IFIT2: variants seen among roughly 807,000 people sequenced by gnomAD.
The protein encoded by IFIT2 is interferon induced protein with tetratricopeptide repeats 2.
In IFIT2, 3 loss-of-function variants were observed where a neutral mutation model predicts 2.5. The observed-to-expected ratio is 1.21, with a 90% CI of 0.55 to 3.14. The LOEUF (loss-of-function observed/expected upper bound fraction) is 3.14. IFIT2 is among the 30% of genes most tolerant of loss of function. IFIT2 has a pLI of 0.03. For missense variants in IFIT2, 493 were observed against 558.9 expected (o/e 0.88, Z 1.19); for synonymous variants, 212 against 200.7 (o/e 1.06, Z -0.48).
In IFIT2 at chr10:89,306,526, A is replaced by G. The variant is rs746656345; in HGVS notation, c.570A>G (p.Pro190=). The change falls in exon 2 of 2, where the codon CCA becomes CCG. Residue 190 remains proline (P), a synonymous_variant. Coordinates refer to ENST00000371826, the MANE Select transcript of IFIT2 (RefSeq NM_001547.5). ...IASYRLDNWP[P]SQNAIDPLRQ... ...GCTACCGTCTGGACAACTGGCCACC[A>G]TCTCAGAACGCCATTGACCCTCTGA... 5 of 1,613,968 alleles carry G rather than the reference A, an allele frequency of 3.1e-6. No individual in the cohort carries two copies. Among genetic ancestry groups the G allele is most frequent in the African/African-American group, 1.3e-5 (1 of 74,918 alleles).
chr10:89,303,597 G>T (rs755203830), intron 1 of IFIT2, among the ~76,000 whole-genome samples: 5 of 152,182 alleles, frequency 3.3e-5, no homozygotes, highest in Non-Finnish European at 7.3e-5. Context: ...AGTGAAGTTG[G>T]ATGCCTTTTA....
chr10:89,305,440 C>T (rs1464854869), intron 1 of IFIT2, among the ~76,000 whole-genome samples: 4 of 152,032 alleles, frequency 2.6e-5, no homozygotes, highest in African/African-American at 9.6e-5. Flanking sequence ...TGAAGGAGAA[C>T]TAAGGAATTA....
chr10:89,307,696 T>C lies in IFIT2; in HGVS notation c.*321T>C. Reference sequence around the variant, plus strand: ...TGGAGTAATCTACTGGGCTTGTTTCTATATTTATATAAAGCAGCCAAATCC... The same window carrying C: ...TGGAGTAATCTACTGGGCTTGTTTCCATATTTATATAAAGCAGCCAAATCC... On this transcript the variant is annotated 3_prime_UTR_variant, in exon 2 of 2. Transcript: ENST00000371826. 4.5e-6 allele frequency: 1 copy of C among 223,220 alleles called. No individual in the cohort carries two copies. The highest frequency in any genetic ancestry group is 9.1e-6 in the Non-Finnish European group (1 of 110,274). 13.8% of individuals were successfully genotyped at this position (223,220 alleles called of 1,614,324 possible). A position where few individuals can be genotyped will look rare whatever the true frequency, so the allele number is the denominator to read the frequency against.
Position 89,306,781 on chromosome 10 carries a change from A to G in IFIT2, c.825A>G (p.Glu275=), listed in dbSNP as rs1227492110. ...KAIELLKKAL[E]YIPNNAYLHC... ...TTGAACTGCTTAAAAAGGCTTTAGA[A>G]TACATACCAAACAATGCCTACCTGC... The change falls in exon 2 of 2, where the codon GAA becomes GAG. Residue 275 remains glutamate, a synonymous_variant. Coordinates refer to ENST00000371826, the MANE Select transcript of IFIT2 (RefSeq NM_001547.5). The G allele has an allele frequency of 6.2e-7, 1 of 1,614,156 alleles. No individual in the cohort carries two copies. The highest frequency in any genetic ancestry group is 8.5e-7 in the Non-Finnish European group (1 of 1,179,982).
In IFIT2 at chr10:89,307,201, G is replaced by T; in HGVS notation, c.1245G>T (p.Leu415=). 6.2e-7 allele frequency: 1 copy of T among 1,613,948 alleles called. No individual in the cohort carries two copies. Among genetic ancestry groups the T allele is most frequent in the Non-Finnish European group, 8.5e-7 (1 of 1,179,912 alleles). The change falls in exon 2 of 2, where the codon CTG becomes CTT. Residue 415 remains leucine (L), a synonymous_variant. Coordinates refer to ENST00000371826, the MANE Select transcript of IFIT2 (RefSeq NM_001547.5). The part of the protein sequence containing the change: ...SREKEKMKDK[L]QKIAKMRLSK... ...AGAAAGAAAAGATGAAAGACAAACT[G>T]CAAAAAATTGCCAAAATGCGACTTT... is the stretch of plus-strand genomic sequence containing the variant.
In IFIT2 at chr10:89,306,495, T is replaced by C. The variant is rs539260313; in HGVS notation, c.539T>C (p.Ile180Thr). The change falls in exon 2 of 2, where the codon ATA (isoleucine) becomes ACA (threonine). Residue 180 changes from isoleucine to threonine, a missense_variant. Transcript: ENST00000371826. ...KNPEFTSGLA[I>T]ASYRLDNWPP... Reference sequence around the variant, plus strand: ...CCAGAATTCACCTCTGGACTGGCAATAGCAAGCTACCGTCTGGACAACTGG... The same window carrying C: ...CCAGAATTCACCTCTGGACTGGCAACAGCAAGCTACCGTCTGGACAACTGG... The C allele has an allele frequency of 9.3e-6, 15 of 1,614,056 alleles. No individual in the cohort carries two copies. The East Asian group carries it at 1.6e-4, about 17-fold the overall frequency.
rs748131169 is a variant in IFIT2, at chr10:89,306,181, T to C, written c.225T>C (p.Arg75=). 1.2e-6 allele frequency: 2 copies of C among 1,614,136 alleles called. No individual in the cohort carries two copies. The highest frequency in any genetic ancestry group is 1.7e-5 in the Admixed American group (1 of 60,012). Reference sequence around the variant, plus strand: ...ACGAGGCAGCCCTGGAATGCTTACGTAAAGCTGAAGAGTTAATCCAGCAAG... The same window carrying C: ...ACGAGGCAGCCCTGGAATGCTTACGCAAAGCTGAAGAGTTAATCCAGCAAG... ...GQNEAALECL[R]KAEELIQQEH... The change falls in exon 2 of 2, where the codon CGT becomes CGC. Residue 75 remains arginine, a synonymous_variant. Transcript: ENST00000371826.
At position 89,306,551 on chromosome 10, in the gene IFIT2, A is replaced by C; in HGVS notation, c.595A>C (p.Arg199=). The C allele has an allele frequency of 1.2e-6, 2 of 1,614,084 alleles. No individual in the cohort carries two copies. Among genetic ancestry groups the C allele is most frequent in the Non-Finnish European group, 1.7e-6 (2 of 1,179,974 alleles). The stretch of plus-strand genomic sequence containing the variant: ...ATCTCAGAACGCCATTGACCCTCTG[A>C]GGCAAGCCATTCGGCTGAATCCTGA... ...PPSQNAIDPL[R]QAIRLNPDNQ... Residue 199 remains arginine (R), a synonymous_variant, in exon 2 of 2, where the codon AGG becomes CGG. Transcript: ENST00000371826.
At chr10:89,302,212 G>A in intron 1 of IFIT2, 84 bp downstream of exon 1, 1 of 1,419,822 alleles carries the variant, frequency 7.0e-7, no homozygotes, top group Non-Finnish European at 1.0e-6. Flanking sequence ...TCCCAAAGAG[G>A]GCCAGCTCCA....
Position 89,306,428 on chromosome 10 carries a change from A to C in IFIT2, c.472A>C (p.Lys158Gln), listed in dbSNP as rs1384426336. 5 of 1,614,168 alleles carry C rather than the reference A, an allele frequency of 3.1e-6. No homozygotes were observed. In the East Asian group the frequency reaches 1.1e-4, roughly 36 times the overall value. Residue 158 changes from lysine (K) to glutamine (Q), a missense_variant, in exon 2 of 2, where the codon AAG becomes CAG. Coordinates refer to ENST00000371826, the MANE Select transcript of IFIT2 (RefSeq NM_001547.5). Reference sequence around the variant, plus strand: ...TGGAGGAAACCAAAATGAAAGAGCGAAGGTGTGCTTTGAGAAGGCTCTGGA... The same window carrying C: ...TGGAGGAAACCAAAATGAAAGAGCGCAGGTGTGCTTTGAGAAGGCTCTGGA... ...KCGGNQNERA[K>Q]VCFEKALEKK...
chr10:89,306,785 A>G lies in IFIT2; in HGVS notation c.829A>G (p.Ile277Val). ...ACTGCTTAAAAAGGCTTTAGAATAC[A>G]TACCAAACAATGCCTACCTGCATTG... ...IELLKKALEY[I>V]PNNAYLHCQI... Residue 277 changes from isoleucine (I) to valine (V), a missense_variant, in exon 2 of 2, where the codon ATA (isoleucine) becomes GTA (valine). Physicochemically the swap from Ile to Val is conservative, Grantham distance 29. Transcript: ENST00000371826. The G allele has an allele frequency of 1.2e-6, 2 of 1,614,176 alleles. No individual in the cohort carries two copies. The highest frequency in any genetic ancestry group is 1.7e-6 in the Non-Finnish European group (2 of 1,179,990).
In IFIT2 at chr10:89,307,195, C is replaced by T. The variant is rs375964120; in HGVS notation, c.1239C>T (p.Asp413=). 1.1e-5 allele frequency: 17 copies of T among 1,613,972 alleles called. No individual in the cohort carries two copies. Among genetic ancestry groups the T allele is most frequent in the Middle Eastern group, 3.3e-4 (2 of 6,062 alleles). The change falls in exon 2 of 2, where the codon GAC becomes GAT. Residue 413 remains aspartate (D), a synonymous_variant. Coordinates refer to ENST00000371826, the MANE Select transcript of IFIT2 (RefSeq NM_001547.5). ...CAAGGGAGAAAGAAAAGATGAAAGA[C>T]AAACTGCAAAAAATTGCCAAAATGC... ...QKSREKEKMK[D]KLQKIAKMRL...
In IFIT2 at chr10:89,308,367, T is replaced by C. The variant is rs1843496555; in HGVS notation, c.*992T>C. On this transcript the variant is annotated 3_prime_UTR_variant, in exon 2 of 2. Coordinates refer to ENST00000371826, the MANE Select transcript of IFIT2 (RefSeq NM_001547.5). ...ACTGAACTCTGTTCAAATGCTTTCA[T>C]GAACCTGGTTTGAGACGGTAGGAAA... 2 of 152,126 alleles carry C rather than the reference T, an allele frequency of 1.3e-5. No individual in the cohort carries two copies. The highest frequency in any genetic ancestry group is 2.1e-4 in the South Asian group (1 of 4,832). The allele number at this position is 152,126 out of a possible 1,614,324, so 9.4% of individuals were successfully genotyped here. A position where few individuals can be genotyped will look rare whatever the true frequency, so the allele number is the denominator to read the frequency against.
rs1765784339 is a variant in IFIT2, at chr10:89,306,609, A to G, written c.653A>G (p.Lys218Arg). 1 of 1,613,956 alleles carries G rather than the reference A, an allele frequency of 6.2e-7. No individual in the cohort carries two copies. The highest frequency in any genetic ancestry group is 1.3e-5 in the African/African-American group (1 of 74,898). ...TACCTTAAAGTCCTCCTGGCTCTGA[A>G]GCTTCATAAGATGCGTGAAGAAGGT... ...NQYLKVLLAL[K>R]LHKMREEGEE... The change falls in exon 2 of 2, where the codon AAG (lysine) becomes AGG (arginine). Residue 218 changes from lysine to arginine, a missense_variant. Transcript: ENST00000371826.
chr10:89,306,987 A>G lies in IFIT2; in HGVS notation c.1031A>G (p.His344Arg). ...FRVCSILASL[H>R]ALADQYEDAE... is the part of the protein sequence containing the mutation. ...GTCTGTTCCATTCTTGCCAGCCTCCATGCTCTAGCAGATCAGTATGAAGAC... is the reference window on the plus strand; with the variant it reads ...GTCTGTTCCATTCTTGCCAGCCTCCGTGCTCTAGCAGATCAGTATGAAGAC... Residue 344 changes from histidine (H) to arginine (R), a missense_variant, in exon 2 of 2, where the codon CAT becomes CGT. His to Arg is a conservative substitution (Grantham distance 29). Coordinates refer to ENST00000371826, the MANE Select transcript of IFIT2 (RefSeq NM_001547.5). 2 of 1,614,074 alleles carry G rather than the reference A, an allele frequency of 1.2e-6. No individual in the cohort carries two copies. Among genetic ancestry groups the G allele is most frequent in the Non-Finnish European group, 1.7e-6 (2 of 1,179,974 alleles).
chr10:89,304,203 G>C (rs1370800152), intron 1 of IFIT2, among the ~76,000 whole-genome samples: 1 of 152,202 alleles, frequency 6.6e-6, no homozygotes, highest in Non-Finnish European at 1.5e-5. Flanking sequence ...TCCATTCAAA[G>C]CTCCAAATAG....
chr10:89,302,889 C>G (rs1220564813), intron 1 of IFIT2, among the ~76,000 whole-genome samples: 1 of 152,066 alleles, frequency 6.6e-6, no homozygotes. Context: ...TCTGGAATCC[C>G]GTGTTACCAA....
rs577049617 is a variant in IFIT2, at chr10:89,306,793, C to G, written c.837C>G (p.Asn279Lys). Residue 279 changes from asparagine to lysine, a missense_variant, in exon 2 of 2, where the codon AAC becomes AAG. Transcript: ENST00000371826. ...LLKKALEYIP[N>K]NAYLHCQIGC... Reference sequence around the variant, plus strand: ...AAAAGGCTTTAGAATACATACCAAACAATGCCTACCTGCATTGCCAAATTG... The same window carrying G: ...AAAAGGCTTTAGAATACATACCAAAGAATGCCTACCTGCATTGCCAAATTG... 6.2e-7 allele frequency: 1 copy of G among 1,614,082 alleles called. No individual in the cohort carries two copies. Among genetic ancestry groups the G allele is most frequent in the Non-Finnish European group, 8.5e-7 (1 of 1,179,954 alleles).
Position 89,307,542 on chromosome 10 carries a change from AG to A in IFIT2, c.*168del. 1 of 588,654 alleles carries A rather than the reference AG, an allele frequency of 1.7e-6. No homozygotes were observed. Among genetic ancestry groups the A allele is most frequent in the Non-Finnish European group, 2.9e-6 (1 of 341,102 alleles). 36.5% of individuals were successfully genotyped at this position (588,654 alleles called of 1,614,324 possible). A position where few individuals can be genotyped will look rare whatever the true frequency, so the allele number is the denominator to read the frequency against. On this transcript the variant is annotated 3_prime_UTR_variant, in exon 2 of 2. Coordinates refer to ENST00000371826, the MANE Select transcript of IFIT2 (RefSeq NM_001547.5). ...TTAACACCTGAATTGCTGGGTCTTG[AG>A]AGAGCCCAAGGAGTTCTGGGAGAGG...
Sources: gnomAD v4.1 joint callset for allele counts (sites outside exome capture counted in the v4.1 genomes callset) on GRCh38, gnomAD v4.1.1 for gene constraint, MANE v1.5 for transcripts, NCBI Gene and HGNC (gene_info 2026-07-23, HGNC 2026-07-21) for gene names.